The following RELN variants were observed in gnomAD, a reference collection of about 807,000 sequenced individuals.
RELN encodes reelin.
Under a neutral mutation model 427.6 loss-of-function variants are expected in RELN, and 108 were observed. The observed-to-expected ratio is 0.25, with a 90% CI of 0.22 to 0.30. RELN has a LOEUF of 0.30. Ranked by LOEUF, RELN falls within the 10% of genes least tolerant of loss-of-function variation. The probability of loss-of-function intolerance (pLI) is 1.00; values close to 1 mark genes in which losing one functional copy is unlikely to be tolerated. For synonymous variants in RELN, 1,524 were observed against 1,513.4 expected (o/e 1.01, Z -0.16); for missense variants, 3,715 against 4,302.8 (o/e 0.86, Z 3.82).
chr7:103,610,831 CA>C lies in RELN; in HGVS notation c.2896-25del, dbSNP rs763780790. 21 of 1,354,116 alleles carry C rather than the reference CA, an allele frequency of 1.6e-5. 1 individual carries two copies. The South Asian group carries it at 2.3e-4, about 15-fold the overall frequency. 83.9% of individuals were successfully genotyped at this position (1,354,116 alleles called of 1,614,324 possible). A position where few individuals can be genotyped will look rare whatever the true frequency, so the allele number is the denominator to read the frequency against. On this transcript the variant is annotated intron_variant, in intron 21 of 64. Coordinates refer to ENST00000428762, the MANE Select transcript of RELN (RefSeq NM_005045.4). ...TCCTGAAAGAAAGTTAGGCACAAAT[CA>C]AACCCAGCTTCTGTTTTCCTCAGGT...
Position 103,542,832 on chromosome 7 carries a change from T to C in RELN, c.6570A>G (p.Pro2190=). 1 of 1,614,156 alleles carries C rather than the reference T, an allele frequency of 6.2e-7. No homozygotes were observed. Among genetic ancestry groups the C allele is most frequent in the Non-Finnish European group, 8.5e-7 (1 of 1,180,008 alleles). Reference sequence around the variant, plus strand: ...TAGAAAGGATTCCACACTTTCGAGATGGTTTCCCACCACTCATTAATAAGA... The same window carrying C: ...TAGAAAGGATTCCACACTTTCGAGACGGTTTCCCACCACTCATTAATAAGA... ...DRFLLMSGGK[P]SRKCGILSSG... is the part of the protein sequence containing the mutation. The change falls in exon 43 of 65, where the codon CCA becomes CCG. Residue 2190 remains proline (P), a synonymous_variant. Coordinates refer to ENST00000428762, the MANE Select transcript of RELN (RefSeq NM_005045.4).
At chr7:103,644,869 T>A (rs1005530066) in intron 16 of RELN, among the ~76,000 whole-genome samples, 11 of 151,648 alleles carry the variant, frequency 7.3e-5, no homozygotes, top group Non-Finnish European at 4.4e-5. Flanking sequence ...AATCTTAAGA[T>A]TAGCATGGGA....
intron 2 of RELN, among the ~76,000 whole-genome samples, chr7:103,847,750 TG>T (rs755662847): frequency 1.8e-4 from 27 of 152,170 alleles, no homozygotes; most frequent in Non-Finnish European, 3.2e-4. Flanking sequence ...CTCTCCTACA[TG>T]GCTTGTATTT....
chr7:103,851,411 A>T lies in RELN; in HGVS notation c.338-17739T>A, dbSNP rs763577847. Reference sequence around the variant, plus strand: ...ATACTTCTCAGGTGATGGCTGCACCAAAATCTCACACATCACCACTAAAGA... The same window carrying T: ...ATACTTCTCAGGTGATGGCTGCACCTAAATCTCACACATCACCACTAAAGA... On this transcript the variant is annotated intron_variant, in intron 2 of 64. Coordinates refer to ENST00000428762, the MANE Select transcript of RELN (RefSeq NM_005045.4). 6.4e-4 allele frequency among the ~76,000 whole-genome samples: 98 copies of T among 152,332 alleles called. 2 individuals are homozygous for T. Among genetic ancestry groups the T allele is most frequent in the Middle Eastern group, 6.8e-3 (2 of 294 alleles).
chr7:103,502,916 T>C, intron 52 of RELN, 100 bp downstream of exon 52: 1 of 1,001,588 alleles, frequency 1.0e-6, no homozygotes, highest in Non-Finnish European at 1.6e-6. Context: ...AGAAAGCACT[T>C]TACCCACAAA....
chr7:103,806,020 G>C (rs931435180), intron 3 of RELN, among the ~76,000 whole-genome samples: 1 of 152,150 alleles, frequency 6.6e-6, no homozygotes, highest in African/African-American at 2.4e-5. Context: ...TTTTACAATT[G>C]CAAGGAGTTT....
In RELN at chr7:103,490,748, A is replaced by G. The variant is rs1241219063; in HGVS notation, c.9525T>C (p.His3175=). The change falls in exon 59 of 65, where the codon CAT becomes CAC. Residue 3175 remains histidine, a synonymous_variant. Transcript: ENST00000428762. ...TGACAGAGTTGTAGATGGTGGCTTC[A>G]TGGAACTGGAAAGGGGAGCAGCCAA... ...NSIGCSPFQF[H]EATIYNSVNS... The G allele has an allele frequency of 3.1e-6, 5 of 1,614,218 alleles. No homozygotes were observed. The highest frequency in any genetic ancestry group is 1.3e-5 in the African/African-American group (1 of 75,054).
chr7:103,520,468 G>A (rs2117088047), intron 48 of RELN, among the ~76,000 whole-genome samples: 1 of 152,114 alleles, frequency 6.6e-6, no homozygotes, highest in South Asian at 2.1e-4. Context: ...TGGCGATGGG[G>A]TTTCACCATG....
At chr7:103,637,144 T>C (rs1174201076) in intron 17 of RELN, among the ~76,000 whole-genome samples, 3 of 152,314 alleles carry the variant, frequency 2.0e-5, no homozygotes, top group Middle Eastern at 3.4e-3. Context: ...GACTAGAATA[T>C]ACAGGAGTGC....
At chr7:103,834,143 A>G (rs1227188904) in intron 2 of RELN, among the ~76,000 whole-genome samples, 1 of 152,170 alleles carries the variant, frequency 6.6e-6, no homozygotes, top group East Asian at 1.9e-4. Flanking sequence ...CCCCAGTCCT[A>G]TTTGGGAGGT....
At chr7:103,931,852 G>A (rs1419924630) in intron 1 of RELN, among the ~76,000 whole-genome samples, 2 of 152,152 alleles carry the variant, frequency 1.3e-5, no homozygotes, top group East Asian at 3.9e-4. Context: ...AGACCTGGAG[G>A]TGGAGGGAAC....
At position 103,530,088 on chromosome 7, in the gene RELN, C is replaced by T. The variant is rs1194998152; in HGVS notation, c.7349+5228G>A. On this transcript the variant is annotated intron_variant, in intron 46 of 64. Coordinates refer to ENST00000428762, the MANE Select transcript of RELN (RefSeq NM_005045.4). ...GGCAGGTGCAGTTTTACAGCATTGCCTATTACTCTATGTTCATGCCTCTGA... is the reference window on the plus strand; with the variant it reads ...GGCAGGTGCAGTTTTACAGCATTGCTTATTACTCTATGTTCATGCCTCTGA... 2.0e-5 allele frequency among the ~76,000 whole-genome samples: 3 copies of T among 152,096 alleles called. No homozygotes were observed. The South Asian group carries it at 6.2e-4, about 32-fold the overall frequency.
In RELN at chr7:103,953,465, T is replaced by C. The variant is rs1027208796; in HGVS notation, c.226+35666A>G. 6.6e-6 allele frequency among the ~76,000 whole-genome samples: 1 copy of C among 152,200 alleles called. No individual in the cohort carries two copies. The highest frequency in any genetic ancestry group is 2.4e-5 in the African/African-American group (1 of 41,452). On this transcript the variant is annotated intron_variant, in intron 1 of 64. Coordinates refer to ENST00000428762, the MANE Select transcript of RELN (RefSeq NM_005045.4). The surrounding 1 kb of genome is among the most constrained non-coding windows in gnomAD (Gnocchi z 4.3). ...ATTGAAAGCAGTTCTAATGTGCTCT[T>C]GACAAATCACATTTTGGCAGTGCTG...
At chr7:103,651,542 T>C in intron 15 of RELN, 119 bp downstream of exon 15, 1 of 941,168 alleles carries the variant, frequency 1.1e-6, no homozygotes, top group South Asian at 1.3e-5. Context: ...AAGACCACTT[T>C]TAAAGAGGTT....
chr7:103,865,793 T>C (rs935691242), intron 2 of RELN, among the ~76,000 whole-genome samples: 1 of 152,176 alleles, frequency 6.6e-6, no homozygotes, highest in Non-Finnish European at 1.5e-5. Flanking sequence ...ACTAACATCA[T>C]ACTCAATGGT....
chr7:103,713,798 T>A (rs957522174), intron 8 of RELN, among the ~76,000 whole-genome samples: 4 of 152,188 alleles, frequency 2.6e-5, no homozygotes, highest in African/African-American at 7.2e-5. Context: ...CTTTTTCAAA[T>A]AATTCTGTCT....
intron 16 of RELN, among the ~76,000 whole-genome samples, chr7:103,646,238 C>T (rs889508644): frequency 6.6e-6 from 1 of 151,502 alleles, no homozygotes; most frequent in Non-Finnish European, 1.5e-5. Context: ...TGAACCAAAT[C>T]CAAAGCTATC....
intron 3 of RELN, among the ~76,000 whole-genome samples, chr7:103,817,937 C>CAAAAA (rs71154371): frequency 0.024 from 833 of 35,402 alleles, 1 homozygote; most frequent in Middle Eastern, 0.029. Context: ...GACTCCATCT[C>CAAAAA]AAAAAAAAAA....
At position 103,611,775 on chromosome 7, in the gene RELN, T is replaced by C; in HGVS notation, c.2731A>G (p.Ser911Gly). 1 of 1,613,838 alleles carries C rather than the reference T, an allele frequency of 6.2e-7. No homozygotes were observed. Among genetic ancestry groups the C allele is most frequent in the Non-Finnish European group, 8.5e-7 (1 of 1,179,838 alleles). The part of the protein sequence containing the change: ...CFTGDSKLAS[S>G]MRYVETQSMQ... ...GATTGTGTTTCCACATAGCGCATAC[T>C]TGAGGCAAGTTTAGAATCTCCTGTA... The change falls in exon 21 of 65, where the codon AGT becomes GGT. Residue 911 changes from serine to glycine, a missense_variant. Ser to Gly is a moderately conservative substitution (Grantham distance 56). Transcript: ENST00000428762.
Sources: allele counts gnomAD v4.1 joint callset (sites outside exome capture counted in the v4.1 genomes callset), GRCh38; gene constraint gnomAD v4.1.1; non-coding constraint Gnocchi (gnomAD v3.1); transcripts MANE v1.5; gene names NCBI Gene and HGNC (gene_info 2026-07-23, HGNC 2026-07-21).